The following NLRC5 variants were observed in gnomAD, a reference collection of about 807,000 sequenced individuals.
NLRC5 encodes NLR family CARD domain containing 5, also known as protein NLRC5.
In NLRC5, 114 loss-of-function variants were observed where a neutral mutation model predicts 206.9. The ratio of observed to expected loss-of-function variants is 0.55; its 90% confidence interval spans 0.47 to 0.64. The LOEUF (loss-of-function observed/expected upper bound fraction) is 0.64. Among genes scored for constraint, NLRC5 ranks in the 30% least tolerant of loss-of-function variants. The pLI is 0.00. For missense variants in NLRC5, 2,008 were observed against 2,305.5 expected (o/e 0.87, Z 2.64); for synonymous variants, 952 against 962.8 (o/e 0.99, Z 0.21).
Position 57,067,735 on chromosome 16 carries a change from G to A in NLRC5, c.4407-1G>A, listed in dbSNP as rs1217643084. ...TCTAGAATATCCTTGGACCTTTTCAGCTTGTCTCAGGTTAACCTCTGTGAG... is the reference window on the plus strand; with the variant it reads ...TCTAGAATATCCTTGGACCTTTTCAACTTGTCTCAGGTTAACCTCTGTGAG... On this transcript the variant is annotated splice_acceptor_variant, in intron 35 of 48. Transcript: ENST00000688547. LOFTEE classifies it high-confidence loss of function. 1 of 1,613,776 alleles carries A rather than the reference G, an allele frequency of 6.2e-7. No homozygotes were observed. The highest frequency in any genetic ancestry group is 1.3e-5 in the African/African-American group (1 of 74,924).
intron 1 of NLRC5, among the ~76,000 whole-genome samples, chr16:56,999,328 G>A (rs2057993855): frequency 6.6e-6 from 1 of 152,210 alleles, no homozygotes; most frequent in African/African-American, 2.4e-5. Flanking sequence ...CTGCTGAGAA[G>A]TTTAGTGGTA....
intron 46 of NLRC5, 88 bp from the exon 47 acceptor site, chr16:57,081,010 G>A (rs1206186156): frequency 2.1e-5 from 26 of 1,209,610 alleles, no homozygotes; most frequent in African/African-American, 9.0e-5. Flanking sequence ...CCCACGACTG[G>A]CACCCTGCTT....
Position 57,026,521 on chromosome 16 carries a change from G to A in NLRC5, c.1578G>A (p.Leu526=). Residue 526 remains leucine (L), a synonymous_variant, in exon 6 of 49, where the codon CTG becomes CTA. Transcript: ENST00000688547. ...SLQEFLAALH[L]MASPKVNKDT... ...AGGAGTTTCTTGCTGCCCTGCACCT[G>A]ATGGCCAGCCCCAAGGTGAACAAAG... 1 of 1,614,132 alleles carries A rather than the reference G, an allele frequency of 6.2e-7. No homozygotes were observed. Among genetic ancestry groups the A allele is most frequent in the Non-Finnish European group, 8.5e-7 (1 of 1,180,042 alleles).
intron 19 of NLRC5, 54 bp from the exon 20 acceptor site, chr16:57,043,461 A>G: frequency 3.8e-6 from 5 of 1,310,058 alleles, no homozygotes; most frequent in Non-Finnish European, 5.5e-6. Flanking sequence ...GACCACAAAG[A>G]GGATGTGTTT....
intron 15 of NLRC5, among the ~76,000 whole-genome samples, chr16:57,038,779 A>T (rs2062916076): frequency 6.6e-6 from 1 of 151,914 alleles, no homozygotes; most frequent in Non-Finnish European, 1.5e-5. Context: ...TACTAAAAAT[A>T]CAAAAACTAG....
At chr16:56,992,478 T>A (rs1384116203) in intron 1 of NLRC5, 4 of 149,940 alleles carry the variant, frequency 2.7e-5, no homozygotes, top group Non-Finnish European at 3.0e-5. Context: ...TATTTTATTT[T>A]ATTTTTTTTT....
At chr16:57,048,557 G>A (rs960897815) in intron 23 of NLRC5, among the ~76,000 whole-genome samples, 12 of 151,850 alleles carry the variant, frequency 7.9e-5, no homozygotes, top group Non-Finnish European at 1.5e-4. Context: ...TTCTGAGACA[G>A]AGTTTTGCTC....
At chr16:57,040,891 C>T (rs1264193084) in intron 17 of NLRC5, among the ~76,000 whole-genome samples, 173 bp downstream of exon 17, 3 of 152,136 alleles carry the variant, frequency 2.0e-5, no homozygotes, top group African/African-American at 7.2e-5. Context: ...CTGCCCAGCC[C>T]ACCCCAGACA....
chr16:57,015,591 A>AAAATAAAT (rs202245287), intron 1 of NLRC5, among the ~76,000 whole-genome samples: 1 of 138,304 alleles, frequency 7.2e-6, no homozygotes, highest in African/African-American at 2.9e-5. Flanking sequence ...GTCTCTTAAA[A>AAAATAAAT]AAATAAATAA....
At chr16:57,023,654 C>T in intron 4 of NLRC5, 131 bp from the exon 5 acceptor site, 2 of 646,780 alleles carry the variant, frequency 3.1e-6, no homozygotes, top group South Asian at 4.2e-5. Flanking sequence ...CCTGCCTTTC[C>T]AGTCCCTGCA....
At chr16:57,034,273 G>A in intron 13 of NLRC5, 22 bp downstream of exon 13, 1 of 1,608,018 alleles carries the variant, frequency 6.2e-7, no homozygotes. Flanking sequence ...GGGAAGCCCT[G>A]GCGTAGGAGC....
At chr16:57,080,880 A>T (rs1191593066) in intron 46 of NLRC5, 1 of 539,800 alleles carries the variant, frequency 1.9e-6, no homozygotes, top group Non-Finnish European at 3.3e-6. Flanking sequence ...TCTTGTGAAC[A>T]ACGTCATGAT....
intron 23 of NLRC5, among the ~76,000 whole-genome samples, chr16:57,048,830 G>T (rs530793461): frequency 1.4e-3 from 220 of 152,222 alleles, no homozygotes; most frequent in African/African-American, 4.9e-3. Flanking sequence ...CACTGCACCT[G>T]GCCCAGACCT....
intron 31 of NLRC5, 22 bp downstream of exon 31, chr16:57,061,553 T>A (rs748199877): frequency 1.9e-6 from 3 of 1,609,442 alleles, no homozygotes; most frequent in Admixed American, 3.3e-5. Context: ...ACCCAGCCCG[T>A]GAGGACAGCA....
chr16:57,023,722 TGGGTAACCCCTCAGCCCA>T, intron 4 of NLRC5, 45 bp from the exon 5 acceptor site: 1 of 1,422,292 alleles, frequency 7.0e-7, no homozygotes, highest in Admixed American at 1.9e-5. Flanking sequence ...CCAAAGGTTC[TGGGTAACCCCTCAGCCCA>T]GATCCCCAGA....
chr16:57,075,847 A>G (rs972895914), intron 39 of NLRC5: 2 of 152,576 alleles, frequency 1.3e-5, no homozygotes, highest in Admixed American at 6.5e-5. Flanking sequence ...GTTATATCAT[A>G]TTGGACCATT....
intron 27 of NLRC5, 151 bp downstream of exon 27, chr16:57,055,670 C>T: frequency 1.6e-6 from 1 of 629,100 alleles, no homozygotes; most frequent in South Asian, 1.8e-5. Flanking sequence ...GGGTCACATA[C>T]CCAAAGCTTC....
At chr16:57,079,659 T>A in intron 46 of NLRC5, 30 bp downstream of exon 46, 1 of 1,605,530 alleles carries the variant, frequency 6.2e-7, no homozygotes, top group African/African-American at 1.3e-5. Flanking sequence ...CTGAGCTGGC[T>A]GGGAAAAGGA....
At chr16:57,062,272 C>A in intron 32 of NLRC5, 1 of 412,360 alleles carries the variant, frequency 2.4e-6, no homozygotes, top group Non-Finnish European at 4.7e-6. Flanking sequence ...TCCATCAGGA[C>A]ACCTAAGAAA....
Sources: allele counts gnomAD v4.1 joint callset (sites outside exome capture counted in the v4.1 genomes callset), GRCh38; gene constraint gnomAD v4.1.1; transcripts MANE v1.5; gene names NCBI Gene and HGNC (gene_info 2026-07-23, HGNC 2026-07-21).